Variants in P3H2 observed in about 807,000 individuals in gnomAD.
P3H2 encodes prolyl 3-hydroxylase 2.
In P3H2, 80 loss-of-function variants were observed where a neutral mutation model predicts 87.0. The observed-to-expected ratio is 0.92, with a 90% CI of 0.77 to 1.11. The LOEUF (loss-of-function observed/expected upper bound fraction) is 1.11. Among genes scored for constraint, P3H2 ranks in the 50% least tolerant of loss-of-function variants. The probability of loss-of-function intolerance (pLI) is 0.00; values close to 1 mark genes in which losing one functional copy is unlikely to be tolerated. For synonymous variants in P3H2, 367 were observed against 359.3 expected (o/e 1.02, Z -0.24); for missense variants, 1,001 against 923.9 (o/e 1.08, Z -1.08).
chr3:190,091,913 A>G (rs187170242), intron 1 of P3H2, among the ~76,000 whole-genome samples: 154 of 152,356 alleles, frequency 1.0e-3, no homozygotes, highest in Middle Eastern at 3.4e-3. Context: ...TGTGCATTAA[A>G]TAAGTGGGGC....
intron 1 of P3H2, among the ~76,000 whole-genome samples, chr3:190,070,109 G>A (rs536969720): frequency 1.2e-3 from 182 of 152,224 alleles, no homozygotes; most frequent in African/African-American, 4.3e-3. Context: ...CAGAAAAAAA[G>A]GATAGTTCCA....
intron 1 of P3H2, among the ~76,000 whole-genome samples, chr3:190,023,048 G>C (rs560424657): frequency 2.6e-5 from 4 of 152,052 alleles, no homozygotes; most frequent in East Asian, 1.9e-4. Context: ...GGATGGTCTC[G>C]ATCTCCTGAC....
chr3:190,050,853 C>A (rs1417253563), intron 1 of P3H2, among the ~76,000 whole-genome samples: 1 of 152,130 alleles, frequency 6.6e-6, no homozygotes. Context: ...ATACTAGTGA[C>A]CTCCTTCCAG....
intron 5 of P3H2, 138 bp downstream of exon 5, chr3:189,987,389 G>C (rs974504326): frequency 3.4e-6 from 3 of 886,664 alleles, no homozygotes; most frequent in African/African-American, 1.7e-5. Flanking sequence ...TGAGGCAGGA[G>C]AATCGCTTGA....
intron 1 of P3H2, among the ~76,000 whole-genome samples, chr3:190,111,327 C>T (rs1418601609): frequency 4.6e-5 from 7 of 152,138 alleles, no homozygotes; most frequent in Admixed American, 2.6e-4. Context: ...TAGTGGTCAA[C>T]GGCCATTTCA....
chr3:189,966,109 G>A (rs199689840), intron 13 of P3H2, among the ~76,000 whole-genome samples: 1,649 of 78,626 alleles, frequency 0.021, 10 homozygotes, highest in Middle Eastern at 0.031. Flanking sequence ...AAAGAAAAAA[G>A]AAAGAAAGAA....
chr3:190,068,121 T>C (rs1268682777), intron 1 of P3H2, among the ~76,000 whole-genome samples: 6 of 152,168 alleles, frequency 3.9e-5, no homozygotes, highest in Admixed American at 3.9e-4. Context: ...TATAATCTCA[T>C]GTCTGAATTA....
At chr3:189,988,827 A>C (rs2108920071) in intron 4 of P3H2, 80 bp downstream of exon 4, 1 of 1,543,640 alleles carries the variant, frequency 6.5e-7, no homozygotes, top group South Asian at 1.1e-5. Context: ...GAAGTCAGAA[A>C]ACTCAATTAC....
At chr3:189,958,149 C>G (rs556239728) in intron 14 of P3H2, 145 bp from the exon 15 acceptor site, 4 of 705,066 alleles carry the variant, frequency 5.7e-6, no homozygotes, top group East Asian at 5.3e-5. Flanking sequence ...CTCTTCATCC[C>G]CAGACAGATG....
intron 1 of P3H2, among the ~76,000 whole-genome samples, chr3:190,109,714 C>A (rs1310279523): frequency 6.6e-6 from 1 of 151,916 alleles, no homozygotes; most frequent in African/African-American, 2.4e-5. Context: ...CAATAGATTT[C>A]TCCTCTAAAA....
At chr3:190,109,790 T>C in intron 1 of P3H2, among the ~76,000 whole-genome samples, 1 of 151,934 alleles carries the variant, frequency 6.6e-6, no homozygotes. Flanking sequence ...AACTGCCTTC[T>C]AGTATAATCT....
At position 190,013,870 on chromosome 3, in the gene P3H2, C is replaced by T. The variant is rs1724670503; in HGVS notation, c.481-18428G>A. On this transcript the variant is annotated intron_variant, in intron 1 of 14. Transcript: ENST00000319332. Reference sequence around the variant, plus strand: ...TCATTTCTGCATATGAAATATTACACTGAGATCAAGAATTTGGTGTGAGTA... The same window carrying T: ...TCATTTCTGCATATGAAATATTACATTGAGATCAAGAATTTGGTGTGAGTA... Among the ~76,000 whole-genome samples, 5 of 152,090 alleles carry T rather than the reference C, an allele frequency of 3.3e-5. No individual in the cohort carries two copies. The South Asian group carries it at 1.0e-3, about 32-fold the overall frequency.
intron 3 of P3H2, among the ~76,000 whole-genome samples, chr3:189,992,826 T>C (rs1723918080): frequency 6.6e-6 from 1 of 152,218 alleles, no homozygotes; most frequent in Admixed American, 6.5e-5. Flanking sequence ...CTACTGATAA[T>C]TAAGAAGTAA....
rs557335947 is a variant in P3H2, at chr3:190,062,579, T to A, written c.480+57673A>T. Among the ~76,000 whole-genome samples, 5 of 152,266 alleles carry A rather than the reference T, an allele frequency of 3.3e-5. No homozygotes were observed. In the East Asian group the frequency reaches 9.6e-4, roughly 29 times the overall value. On this transcript the variant is annotated intron_variant, in intron 1 of 14. Coordinates refer to ENST00000319332, the MANE Select transcript of P3H2 (RefSeq NM_018192.4). ...GACTTAATAGGTGTCCAGTGAATATTTACTGATTAATAATAAGCCTGGCAC... is the reference window on the plus strand; with the variant it reads ...GACTTAATAGGTGTCCAGTGAATATATACTGATTAATAATAAGCCTGGCAC...
intron 1 of P3H2, among the ~76,000 whole-genome samples, chr3:190,061,009 T>G (rs937233722): frequency 5.3e-5 from 8 of 152,130 alleles, no homozygotes; most frequent in African/African-American, 1.7e-4. Flanking sequence ...TCCAGGCTAT[T>G]CCATCACCCA....
chr3:189,973,636 G>C (rs946167035), intron 10 of P3H2, among the ~76,000 whole-genome samples: 28 of 148,904 alleles, frequency 1.9e-4, no homozygotes, highest in Admixed American at 1.4e-3. Context: ...CCATTCTCCT[G>C]CCTCAGCCTC....
Position 189,989,018 on chromosome 3 carries a change from CA to C in P3H2, c.843del (p.Val282PhefsTer7), listed in dbSNP as rs1427967599. 3 of 1,614,124 alleles carry C rather than the reference CA, an allele frequency of 1.9e-6. No individual in the cohort carries two copies. The highest frequency in any genetic ancestry group is 2.5e-6 in the Non-Finnish European group (3 of 1,180,014). On this transcript the variant is annotated frameshift_variant, in exon 4 of 15. Coordinates refer to ENST00000319332, the MANE Select transcript of P3H2 (RefSeq NM_018192.4). LOFTEE classifies it high-confidence loss of function. Reference sequence around the variant, plus strand: ...TCCCTCACACATTCATGCTGACAAACAAGCACCTGCATGTAGTGATCTGGAA... The same window carrying C: ...TCCCTCACACATTCATGCTGACAAACAGCACCTGCATGTAGTGATCTGGAA... The part of the protein sequence containing the change: ...EAIADHYMQV[L>X]VCQHECVREL...
At chr3:190,007,537 C>T (rs1724425675) in intron 1 of P3H2, among the ~76,000 whole-genome samples, 1 of 152,042 alleles carries the variant, frequency 6.6e-6, no homozygotes, top group South Asian at 2.1e-4. Flanking sequence ...GCAAAGTCTT[C>T]ACTTGAGACA....
intron 13 of P3H2, 68 bp from the exon 14 acceptor site, chr3:189,964,166 T>C: frequency 1.4e-6 from 2 of 1,428,436 alleles, no homozygotes; most frequent in Non-Finnish European, 2.0e-6. Context: ...CTCCTGCTTC[T>C]CTGGCTATGA....
Sources: gnomAD v4.1 joint callset for allele counts (sites outside exome capture counted in the v4.1 genomes callset) on GRCh38, gnomAD v4.1.1 for gene constraint, MANE v1.5 for transcripts, NCBI Gene and HGNC (gene_info 2026-07-23, HGNC 2026-07-21) for gene names.